Variants in BMPR1B observed in about 807,000 individuals in gnomAD.
The protein encoded by BMPR1B is bone morphogenetic protein receptor type-1B.
BMPR1B carries 12 observed loss-of-function variants against 59.1 expected under a neutral mutation model. That is an observed-to-expected ratio of 0.20 (90% confidence interval 0.13 to 0.33). The LOEUF (loss-of-function observed/expected upper bound fraction) is 0.33. Among genes scored for constraint, BMPR1B ranks in the 10% least tolerant of loss-of-function variants. BMPR1B has a pLI of 1.00. For missense variants in BMPR1B, 550 were observed against 610.9 expected, an observed-to-expected ratio of 0.90 and a Z score of 1.05; for synonymous variants, 237 against 207.3, an observed-to-expected ratio of 1.14 and a Z score of -1.23.
At chr4:95,131,188 A>T in intron 9 of BMPR1B, 27 bp from the exon 10 acceptor site, 1 of 1,603,270 alleles carries the variant, frequency 6.2e-7, no homozygotes, top group South Asian at 1.1e-5. Flanking sequence ...GGAAAACACT[A>T]AACCTTTTCA....
chr4:94,873,139 C>T (rs1726568261), intron 1 of BMPR1B, among the ~76,000 whole-genome samples: 1 of 152,012 alleles, frequency 6.6e-6, no homozygotes, highest in East Asian at 1.9e-4. Context: ...TGACTACTTC[C>T]TCTCACCTCC....
chr4:95,075,078 C>T (rs1198056390), intron 3 of BMPR1B, among the ~76,000 whole-genome samples: 1 of 152,028 alleles, frequency 6.6e-6, no homozygotes, highest in Non-Finnish European at 1.5e-5. Context: ...AGTAATTTAC[C>T]ATCCTGCTTT....
intron 2 of BMPR1B, among the ~76,000 whole-genome samples, chr4:94,960,313 GTAT>G (rs1427457584): frequency 1.3e-5 from 2 of 152,154 alleles, no homozygotes; most frequent in Middle Eastern, 3.4e-3. Flanking sequence ...TAAATCTCCT[GTAT>G]ACTAGACCCT....
At chr4:94,841,732 G>A (rs1282196085) in intron 1 of BMPR1B, among the ~76,000 whole-genome samples, 1 of 152,156 alleles carries the variant, frequency 6.6e-6, no homozygotes, top group Non-Finnish European at 1.5e-5. Flanking sequence ...CGTTGCTCAC[G>A]CTGGGAGCTG....
At chr4:94,856,170 G>C (rs1031864360) in intron 1 of BMPR1B, among the ~76,000 whole-genome samples, 110 of 152,304 alleles carry the variant, frequency 7.2e-4, no homozygotes, top group African/African-American at 2.5e-3. Context: ...AAATGTAGAG[G>C]TAGTTTTTGT....
In BMPR1B at chr4:95,140,797, A is replaced by G. The variant is rs565837228; in HGVS notation, c.1077-7951A>G. Among the ~76,000 whole-genome samples, 128 of 152,294 alleles carry G rather than the reference A, an allele frequency of 8.4e-4. No individual in the cohort carries two copies. The Middle Eastern group carries it at 0.017, about 20-fold the overall frequency. On this transcript the variant is annotated intron_variant, in intron 10 of 12. Transcript: ENST00000515059. The stretch of plus-strand genomic sequence containing the variant: ...TGTTGTGAATCAATAAATGTAGGCA[A>G]TAGCAAAGTAACTGAGACTCATCTC...
intron 3 of BMPR1B, among the ~76,000 whole-genome samples, chr4:95,055,159 T>C (rs1726820658): frequency 2.0e-5 from 3 of 152,116 alleles, no homozygotes; most frequent in Admixed American, 1.3e-4. Flanking sequence ...GTCTGTACAG[T>C]TTTATATAAC....
chr4:95,113,530 A>G (rs749068612), intron 4 of BMPR1B, among the ~76,000 whole-genome samples: 1 of 152,182 alleles, frequency 6.6e-6, no homozygotes, highest in Non-Finnish European at 1.5e-5. Flanking sequence ...ACCTTTCAAG[A>G]TTACATTGCC....
intron 4 of BMPR1B, among the ~76,000 whole-genome samples, chr4:95,112,786 C>A (rs1316040725): frequency 2.0e-5 from 3 of 152,062 alleles, no homozygotes; most frequent in Non-Finnish European, 4.4e-5. Context: ...CCTAGGACAT[C>A]ATAGCAGTAA....
intron 2 of BMPR1B, among the ~76,000 whole-genome samples, chr4:94,951,898 T>C (rs191692158): frequency 1.3e-5 from 2 of 152,176 alleles, no homozygotes; most frequent in Non-Finnish European, 2.9e-5. Context: ...GGGCTTTTTT[T>C]GGTTGGTAGG....
At chr4:94,841,879 A>G (rs1444107351) in intron 1 of BMPR1B, among the ~76,000 whole-genome samples, 3 of 152,198 alleles carry the variant, frequency 2.0e-5, no homozygotes, top group South Asian at 2.1e-4. Flanking sequence ...TTCTTTGTGT[A>G]CATTCTAATC....
intron 4 of BMPR1B, among the ~76,000 whole-genome samples, chr4:95,105,893 G>A (rs1004925114): frequency 3.2e-4 from 48 of 152,142 alleles, no homozygotes; most frequent in African/African-American, 9.9e-4. Flanking sequence ...ACAAAGTAGC[G>A]TGGGGTATTT....
At chr4:94,901,402 G>C (rs964915938) in intron 2 of BMPR1B, among the ~76,000 whole-genome samples, 1 of 151,934 alleles carries the variant, frequency 6.6e-6, no homozygotes, top group Non-Finnish European at 1.5e-5. Context: ...TGTGGAGAAG[G>C]AGTGCCTAAA....
chr4:95,125,250 C>A, intron 8 of BMPR1B, 129 bp downstream of exon 8: 2 of 1,189,656 alleles, frequency 1.7e-6, no homozygotes, highest in South Asian at 1.3e-5. Context: ...GTTGGACATC[C>A]GATCTCAGCT....
At chr4:94,823,935 A>G (rs902438116) in intron 1 of BMPR1B, among the ~76,000 whole-genome samples, 1 of 151,954 alleles carries the variant, frequency 6.6e-6, no homozygotes, top group Admixed American at 6.5e-5. Context: ...TTTAGTAGAG[A>G]CGGGGTTTCA....
At chr4:95,029,625 T>C (rs1724682090) in intron 3 of BMPR1B, among the ~76,000 whole-genome samples, 1 of 152,180 alleles carries the variant, frequency 6.6e-6, no homozygotes. Flanking sequence ...TTTGGGTATA[T>C]ACCCAGTAAT....
At chr4:95,116,655 G>T (rs1199856142) in intron 6 of BMPR1B, among the ~76,000 whole-genome samples, 10 of 146,218 alleles carry the variant, frequency 6.8e-5, no homozygotes. Context: ...TTGCTCTGTT[G>T]CCCAGGCTGG....
At chr4:94,791,230 C>G (rs867755794) in intron 1 of BMPR1B, among the ~76,000 whole-genome samples, 1 of 152,238 alleles carries the variant, frequency 6.6e-6, no homozygotes, top group African/African-American at 2.4e-5. Context: ...CTCAAGTGAT[C>G]CACCTGCCTT....
chr4:94,873,146 C>T (rs891667718), intron 1 of BMPR1B, among the ~76,000 whole-genome samples: 2 of 152,006 alleles, frequency 1.3e-5, no homozygotes, highest in African/African-American at 4.8e-5. Context: ...TTCCTCTCAC[C>T]TCCGGTCCAT....
Sources: allele counts gnomAD v4.1 joint callset (sites outside exome capture counted in the v4.1 genomes callset), GRCh38; gene constraint gnomAD v4.1.1; transcripts MANE v1.5; gene names NCBI Gene and HGNC (gene_info 2026-07-23, HGNC 2026-07-21).